TENM4: variants seen among roughly 807,000 people sequenced by gnomAD.
TENM4 encodes the protein teneurin-4.
Under a neutral mutation model 243.3 loss-of-function variants are expected in TENM4, and 82 were observed. The ratio of observed to expected loss-of-function variants is 0.34; its 90% CI spans 0.28 to 0.40. The LOEUF is 0.40. TENM4 is among the 10% of genes least tolerant of loss of function. The pLI, the probability that TENM4 is intolerant of heterozygous loss-of-function variation, is 1.00. For missense variants in TENM4, 3,138 were observed against 3,673.3 expected (o/e 0.85, Z 3.77); for synonymous variants, 1,412 against 1,456.3 (o/e 0.97, Z 0.69).
chr11:79,249,927 C>T (rs545486547), intron 2 of TENM4, among the ~76,000 whole-genome samples: 165 of 152,320 alleles, frequency 1.1e-3, no homozygotes, highest in Non-Finnish European at 1.9e-3. Flanking sequence ...TCATTTATTA[C>T]GTAAACTTTT....
intron 2 of TENM4, among the ~76,000 whole-genome samples, chr11:79,287,372 T>C (rs1172008881): frequency 6.6e-6 from 1 of 152,162 alleles, no homozygotes; most frequent in African/African-American, 2.4e-5. Flanking sequence ...GTACGGAACC[T>C]AGTCTCCTCA....
intron 12 of TENM4, among the ~76,000 whole-genome samples, chr11:78,829,799 G>C (rs1038519270): frequency 1.3e-5 from 2 of 152,162 alleles, no homozygotes; most frequent in Non-Finnish European, 2.9e-5. Context: ...CCTTCTGTGT[G>C]GGTTAGTTTC....
At chr11:78,987,748 T>A (rs972418208) in intron 6 of TENM4, among the ~76,000 whole-genome samples, 1 of 152,230 alleles carries the variant, frequency 6.6e-6, no homozygotes, top group Non-Finnish European at 1.5e-5. Flanking sequence ...CCACTTTCTA[T>A]CTTGTAGGCA....
intron 1 of TENM4, among the ~76,000 whole-genome samples, chr11:79,317,944 A>G (rs919814772): frequency 2.6e-5 from 4 of 152,150 alleles, no homozygotes; most frequent in Non-Finnish European, 5.9e-5. Context: ...CTGGAAGCCA[A>G]CTAGCTTTCC....
At chr11:79,287,286 A>G (rs1474591251) in intron 2 of TENM4, among the ~76,000 whole-genome samples, 2 of 152,152 alleles carry the variant, frequency 1.3e-5, no homozygotes, top group Non-Finnish European at 2.9e-5. Context: ...TGCCATTAGA[A>G]AGGAAGATGG....
chr11:79,156,713 G>A (rs1399726465), intron 3 of TENM4, among the ~76,000 whole-genome samples: 2 of 152,126 alleles, frequency 1.3e-5, no homozygotes, highest in Non-Finnish European at 2.9e-5. Context: ...GACTGTCTCC[G>A]ATAAATGTCT....
At chr11:79,140,138 AAC>A (rs1474279806) in intron 4 of TENM4, among the ~76,000 whole-genome samples, 1 of 151,782 alleles carries the variant, frequency 6.6e-6, no homozygotes, top group East Asian at 1.9e-4. Flanking sequence ...CCTCAACTTC[AAC>A]TCCCCAGAAT....
chr11:78,804,573 T>C (rs894865851), intron 15 of TENM4, among the ~76,000 whole-genome samples: 1 of 152,180 alleles, frequency 6.6e-6, no homozygotes, highest in African/African-American at 2.4e-5. Context: ...CTGTAAATCA[T>C]AGTGTTTTCA....
chr11:78,910,193 C>A (rs1856155354), intron 6 of TENM4, among the ~76,000 whole-genome samples: 1 of 152,208 alleles, frequency 6.6e-6, no homozygotes, highest in East Asian at 1.9e-4. Flanking sequence ...ACATCCAGCC[C>A]TGCAAATGGC....
chr11:78,865,291 C>T (rs1858941369), intron 9 of TENM4, among the ~76,000 whole-genome samples: 1 of 152,190 alleles, frequency 6.6e-6, no homozygotes, highest in Non-Finnish European at 1.5e-5. Context: ...TTAACACACG[C>T]AAGGTTAAAT....
At chr11:79,002,489 C>A (rs759602713) in intron 6 of TENM4, among the ~76,000 whole-genome samples, 6 of 152,174 alleles carry the variant, frequency 3.9e-5, no homozygotes, top group African/African-American at 1.4e-4. Flanking sequence ...AGGCAGGGGC[C>A]CAGTACTAGT....
Position 78,800,906 on chromosome 11 carries a change from T to C in TENM4, c.2179+4386A>G, listed in dbSNP as rs116200686. Among the ~76,000 whole-genome samples, 641 of 152,294 alleles carry C rather than the reference T, an allele frequency of 4.2e-3. 3 individuals carry two copies. Among genetic ancestry groups the C allele is most frequent in the African/African-American group, 0.015 (615 of 41,556 alleles). On this transcript the variant is annotated intron_variant, in intron 15 of 33. Transcript: ENST00000278550. ...AGGGATGCCAGTATGTAATTTAATC[T>C]TTCTGAGCTTCAGTTTCCTTATCTG...
At chr11:78,719,481 T>C (rs1331060535) in intron 25 of TENM4, among the ~76,000 whole-genome samples, 1 of 152,234 alleles carries the variant, frequency 6.6e-6, no homozygotes, top group African/African-American at 2.4e-5. Context: ...ATAGAATCAT[T>C]ACTGGATTCT....
chr11:79,317,075 G>A (rs909698171), intron 1 of TENM4, among the ~76,000 whole-genome samples: 18 of 152,288 alleles, frequency 1.2e-4, no homozygotes, highest in Non-Finnish European at 2.4e-4. Flanking sequence ...AATGGAAGAT[G>A]ACAAAAAGAA....
At chr11:79,188,542 G>A (rs1243921775) in intron 3 of TENM4, among the ~76,000 whole-genome samples, 3 of 151,688 alleles carry the variant, frequency 2.0e-5, no homozygotes, top group Non-Finnish European at 2.9e-5. Flanking sequence ...GGGAAGGAGA[G>A]GAGAGATGAG....
chr11:79,305,465 A>G (rs1001840514), intron 1 of TENM4, among the ~76,000 whole-genome samples: 4 of 152,202 alleles, frequency 2.6e-5, no homozygotes, highest in African/African-American at 4.8e-5. Flanking sequence ...AGTGGGATCC[A>G]GTGAGGAAGA....
At chr11:78,710,342 C>T (rs556991672) in intron 26 of TENM4, among the ~76,000 whole-genome samples, 78 of 152,310 alleles carry the variant, frequency 5.1e-4, no homozygotes, top group African/African-American at 1.9e-3. Flanking sequence ...CGGGGACCCA[C>T]GTGTCTCTCA....
intron 28 of TENM4, among the ~76,000 whole-genome samples, chr11:78,699,026 T>G (rs1358666005): frequency 6.6e-6 from 1 of 152,224 alleles, no homozygotes. Flanking sequence ...AAAACTTTTG[T>G]CTACTCTTTT....
intron 6 of TENM4, among the ~76,000 whole-genome samples, chr11:79,057,808 T>G (rs1010348925): frequency 1.3e-5 from 2 of 152,150 alleles, no homozygotes; most frequent in African/African-American, 4.8e-5. Context: ...TATTCCCAGT[T>G]GCACGCGCTT....
Sources: allele counts gnomAD v4.1 joint callset (sites outside exome capture counted in the v4.1 genomes callset), GRCh38; gene constraint gnomAD v4.1.1; transcripts MANE v1.5; gene names NCBI Gene and HGNC (gene_info 2026-07-23, HGNC 2026-07-21).